The following ADCY2 variants were observed in gnomAD, a reference collection of about 807,000 sequenced individuals.
The protein encoded by ADCY2 is adenylate cyclase 2, also known as adenylate cyclase type 2.
In ADCY2, 31 loss-of-function variants were observed where a neutral mutation model predicts 125.2. The ratio of observed to expected loss-of-function variants is 0.25; its 90% CI spans 0.19 to 0.33. ADCY2 has a LOEUF of 0.33. Ranked by LOEUF, ADCY2 falls within the 10% of genes least tolerant of loss-of-function variation. The pLI is 1.00. For missense variants in ADCY2, 904 were observed against 1,418.2 expected (o/e 0.64, Z 5.82); for synonymous variants, 512 against 548.4 (o/e 0.93, Z 0.93).
chr5:7,501,646 TC>T (rs60705318), intron 2 of ADCY2, among the ~76,000 whole-genome samples: 724 of 40,564 alleles, frequency 0.018, 13 homozygotes, highest in African/African-American at 0.046. Flanking sequence ...GATTCCCCCC[TC>T]CCCCCCCCCC....
intron 1 of ADCY2, among the ~76,000 whole-genome samples, chr5:7,403,087 G>A (rs1561005710): frequency 6.6e-6 from 1 of 152,022 alleles, no homozygotes; most frequent in East Asian, 1.9e-4. Flanking sequence ...TTATTCCTGT[G>A]TGCTTACTCC....
chr5:7,701,335 T>C (rs1741072545), intron 7 of ADCY2, among the ~76,000 whole-genome samples: 1 of 152,234 alleles, frequency 6.6e-6, no homozygotes, highest in Non-Finnish European at 1.5e-5. Context: ...TCCAGTTCCA[T>C]AATGTTTAAG....
At chr5:7,548,751 T>C (rs1438553608) in intron 3 of ADCY2, among the ~76,000 whole-genome samples, 3 of 152,210 alleles carry the variant, frequency 2.0e-5, no homozygotes, top group Non-Finnish European at 4.4e-5. Context: ...TGACACAGTA[T>C]GTCCATACTT....
chr5:7,690,345 T>C (rs1359308238), intron 4 of ADCY2, among the ~76,000 whole-genome samples: 4 of 152,232 alleles, frequency 2.6e-5, no homozygotes, highest in Non-Finnish European at 5.9e-5. Flanking sequence ...GTTCTCTATC[T>C]TAGACTGACC....
In ADCY2 at chr5:7,530,965, A is replaced by G. The variant is rs1471802973; in HGVS notation, c.570+10066A>G. On this transcript the variant is annotated intron_variant, in intron 3 of 24. Coordinates refer to ENST00000338316, the MANE Select transcript of ADCY2 (RefSeq NM_020546.3). The stretch of plus-strand genomic sequence containing the variant: ...AAGGAGCTCCCATAGGACCCCATAC[A>G]TGTACAAATATCCCTCAGTCATGGC... Among the ~76,000 whole-genome samples, 4 of 152,198 alleles carry G rather than the reference A, an allele frequency of 2.6e-5. No homozygotes were observed. The East Asian group carries it at 5.8e-4, about 22-fold the overall frequency.
At chr5:7,665,828 C>CTTTTTTTTTTTTTTTT (rs70940750) in intron 4 of ADCY2, among the ~76,000 whole-genome samples, 1 of 38,618 alleles carries the variant, frequency 2.6e-5, no homozygotes, top group African/African-American at 1.0e-4. Flanking sequence ...TAATTTAATT[C>CTTTTTTTTTTTTTTTT]TTTTTTTTTT....
chr5:7,620,166 T>A (rs1737907562), intron 3 of ADCY2, among the ~76,000 whole-genome samples: 1 of 152,100 alleles, frequency 6.6e-6, no homozygotes, highest in Non-Finnish European at 1.5e-5. Context: ...CAAATATATC[T>A]GGAAAAATAA....
At chr5:7,572,939 A>G (rs532993654) in intron 3 of ADCY2, among the ~76,000 whole-genome samples, 1 of 152,224 alleles carries the variant, frequency 6.6e-6, no homozygotes, top group Admixed American at 6.5e-5. Flanking sequence ...TTGAGTCTTT[A>G]CAGAAGTAAT....
At chr5:7,484,793 ATC>A (rs1313265294) in intron 2 of ADCY2, among the ~76,000 whole-genome samples, 1 of 152,078 alleles carries the variant, frequency 6.6e-6, no homozygotes, top group African/African-American at 2.4e-5. Flanking sequence ...CATCCTAAAA[ATC>A]TCTCTGCTAG....
intron 3 of ADCY2, among the ~76,000 whole-genome samples, chr5:7,544,084 A>C (rs375147369): frequency 7.3e-5 from 11 of 149,902 alleles, no homozygotes; most frequent in African/African-American, 2.7e-4. Context: ...CCTAGCACTT[A>C]ACCCCCATCC....
At chr5:7,459,106 T>C (rs1296079837) in intron 2 of ADCY2, among the ~76,000 whole-genome samples, 1 of 152,206 alleles carries the variant, frequency 6.6e-6, no homozygotes, top group Non-Finnish European at 1.5e-5. Context: ...GTGCGGATCT[T>C]CTGACATACT....
intron 24 of ADCY2, among the ~76,000 whole-genome samples, chr5:7,822,162 T>C (rs1745321728): frequency 1.3e-5 from 2 of 152,200 alleles, no homozygotes; most frequent in South Asian, 2.1e-4. Context: ...AATCTACCAT[T>C]ATACTCTTGG....
intron 2 of ADCY2, among the ~76,000 whole-genome samples, chr5:7,444,017 G>A (rs1236523285): frequency 1.3e-5 from 2 of 151,646 alleles, no homozygotes; most frequent in African/African-American, 4.8e-5. Flanking sequence ...ATCTCAGAGA[G>A]ATTTCAGGTA....
chr5:7,475,702 A>G (rs982328774), intron 2 of ADCY2, among the ~76,000 whole-genome samples: 1 of 152,176 alleles, frequency 6.6e-6, no homozygotes, highest in Non-Finnish European at 1.5e-5. Context: ...TTAAAGGAGA[A>G]CAAGCGTGAC....
At chr5:7,821,776 C>T (rs1442459015) in intron 24 of ADCY2, among the ~76,000 whole-genome samples, 1 of 152,190 alleles carries the variant, frequency 6.6e-6, no homozygotes, top group East Asian at 1.9e-4. Flanking sequence ...GAACTGGAGA[C>T]AGTGTGTGAA....
At chr5:7,741,002 C>A (rs1742389534) in intron 14 of ADCY2, among the ~76,000 whole-genome samples, 2 of 151,894 alleles carry the variant, frequency 1.3e-5, no homozygotes, top group Admixed American at 1.3e-4. Flanking sequence ...AACACTTATT[C>A]CTTGAGAAGG....
intron 2 of ADCY2, among the ~76,000 whole-genome samples, chr5:7,472,521 A>G (rs545543712): frequency 2.0e-5 from 3 of 151,930 alleles, no homozygotes; most frequent in East Asian, 3.9e-4. Context: ...GCATATATAT[A>G]TGCAAGTAGA....
intron 4 of ADCY2, among the ~76,000 whole-genome samples, chr5:7,681,437 G>A (rs4702485): frequency 0.81 from 123,579 of 152,106 alleles, 50,519 homozygotes; most frequent in South Asian, 0.86. Context: ...ATATGCAGAG[G>A]TGTGGACATC....
At chr5:7,661,230 A>G (rs1178219322) in intron 4 of ADCY2, among the ~76,000 whole-genome samples, 6 of 152,236 alleles carry the variant, frequency 3.9e-5, no homozygotes, top group African/African-American at 2.4e-5. Context: ...GCTAATATTT[A>G]TGTAGATTAT....
Sources: allele counts gnomAD v4.1 joint callset (sites outside exome capture counted in the v4.1 genomes callset), GRCh38; gene constraint gnomAD v4.1.1; transcripts MANE v1.5; gene names NCBI Gene and HGNC (gene_info 2026-07-23, HGNC 2026-07-21).